NAALADL2: variants seen among roughly 807,000 people sequenced by gnomAD.
NAALADL2 encodes the protein N-acetylated alpha-linked acidic dipeptidase like 2.
Under a neutral mutation model 87.2 loss-of-function variants are expected in NAALADL2, and 76 were observed. The observed-to-expected ratio is 0.87, with a 90% CI of 0.72 to 1.05. The LOEUF is 1.05. Ranked by LOEUF, NAALADL2 falls within the 50% of genes least tolerant of loss-of-function variation. The probability of loss-of-function intolerance (pLI) is 0.00; values close to 1 mark genes in which losing one functional copy is unlikely to be tolerated. For missense variants in NAALADL2, 1,089 were observed against 945.8 expected (o/e 1.15, Z -1.99); for synonymous variants, 354 against 331.0 (o/e 1.07, Z -0.75).
intron 1 of NAALADL2, among the ~76,000 whole-genome samples, chr3:174,941,687 G>A (rs1470391154): frequency 6.6e-6 from 1 of 151,890 alleles, no homozygotes; most frequent in Non-Finnish European, 1.5e-5. Context: ...CTCCTGTGTT[G>A]GGTGCATATA....
chr3:175,052,227 G>T (rs952443914), intron 1 of NAALADL2, among the ~76,000 whole-genome samples: 2 of 152,200 alleles, frequency 1.3e-5, no homozygotes, highest in Non-Finnish European at 2.9e-5. Flanking sequence ...TCTTTCAGTG[G>T]TTTTCCGCCC....
intron 2 of NAALADL2, among the ~76,000 whole-genome samples, chr3:175,106,489 C>T (rs146313539): frequency 6.6e-6 from 1 of 152,000 alleles, no homozygotes; most frequent in African/African-American, 2.4e-5. Context: ...ACTTCTTGAT[C>T]TTATTCGTTC....
chr3:174,994,540 T>C (rs1223745005), intron 1 of NAALADL2, among the ~76,000 whole-genome samples: 1 of 152,204 alleles, frequency 6.6e-6, no homozygotes, highest in Non-Finnish European at 1.5e-5. Context: ...ACCACTTAAA[T>C]TTCCAAATTT....
intron 2 of NAALADL2, among the ~76,000 whole-genome samples, chr3:174,714,560 G>A (rs901187453): frequency 6.6e-6 from 1 of 152,078 alleles, no homozygotes; most frequent in Admixed American, 6.6e-5. Context: ...TCTCTTTGAA[G>A]CAGTTGTGAA....
At chr3:174,907,996 A>G (rs1043523318) in intron 1 of NAALADL2, among the ~76,000 whole-genome samples, 1 of 134,974 alleles carries the variant, frequency 7.4e-6, no homozygotes, top group Non-Finnish European at 1.6e-5. Context: ...TATATCAATT[A>G]TCTCTTTTCG....
chr3:175,425,814 T>TA (rs1276655444), intron 5 of NAALADL2, among the ~76,000 whole-genome samples: 1 of 152,176 alleles, frequency 6.6e-6, no homozygotes, highest in Non-Finnish European at 1.5e-5. Flanking sequence ...TATGTGGAGA[T>TA]ACTCAAAGTA....
chr3:175,120,037 T>C (rs570666069), intron 2 of NAALADL2, among the ~76,000 whole-genome samples: 4 of 142,352 alleles, frequency 2.8e-5, no homozygotes, highest in Non-Finnish European at 4.6e-5. Context: ...GCAAAACCCA[T>C]GGAAATGGAA....
At chr3:175,008,626 A>G (rs954705185) in intron 1 of NAALADL2, among the ~76,000 whole-genome samples, 1 of 152,126 alleles carries the variant, frequency 6.6e-6, no homozygotes, top group African/African-American at 2.4e-5. Flanking sequence ...CCACTGGCCC[A>G]GGCAAAACCA....
At chr3:175,258,903 T>C (rs2862003) in intron 4 of NAALADL2, among the ~76,000 whole-genome samples, 15,454 of 152,132 alleles carry the variant, frequency 0.1, 2,012 homozygotes, top group African/African-American at 0.31. Context: ...AAAATAAATA[T>C]GCATGCGTTT....
At chr3:175,722,045 AT>A (rs1742311246) in intron 11 of NAALADL2, among the ~76,000 whole-genome samples, 1 of 152,012 alleles carries the variant, frequency 6.6e-6, no homozygotes, top group African/African-American at 2.4e-5. Context: ...ATCAATTTGG[AT>A]TCTATTTCTC....
At chr3:174,843,976 G>T (rs1395735979) in intron 3 of NAALADL2, among the ~76,000 whole-genome samples, 1 of 152,120 alleles carries the variant, frequency 6.6e-6, no homozygotes, top group African/African-American at 2.4e-5. Flanking sequence ...TCTGCAGGTT[G>T]TCCCTTCACT....
intron 1 of NAALADL2, among the ~76,000 whole-genome samples, chr3:175,053,587 G>C (rs112482807): frequency 0.017 from 2,639 of 152,280 alleles, 70 homozygotes; most frequent in African/African-American, 0.06. Flanking sequence ...TTCAGCCCTG[G>C]AGAAACACAA....
intron 9 of NAALADL2, among the ~76,000 whole-genome samples, chr3:175,483,422 T>C (rs1418384426): frequency 6.6e-6 from 1 of 151,838 alleles, no homozygotes; most frequent in Non-Finnish European, 1.5e-5. Flanking sequence ...CTTATTTTTC[T>C]ATTTATTTTT....
intron 2 of NAALADL2, among the ~76,000 whole-genome samples, chr3:175,214,975 A>T (rs1254140015): frequency 6.6e-6 from 1 of 152,128 alleles, no homozygotes; most frequent in African/African-American, 2.4e-5. Context: ...AATTCACTAC[A>T]TGTTTATGGT....
intron 6 of NAALADL2, among the ~76,000 whole-genome samples, chr3:175,456,249 G>T (rs1722299437): frequency 6.6e-6 from 1 of 152,020 alleles, no homozygotes; most frequent in Admixed American, 6.6e-5. Flanking sequence ...CTCTGCACAT[G>T]ATGAAATTAA....
intron 5 of NAALADL2, among the ~76,000 whole-genome samples, chr3:175,368,437 G>T (rs1297281542): frequency 6.6e-6 from 1 of 152,110 alleles, no homozygotes; most frequent in Non-Finnish European, 1.5e-5. Flanking sequence ...AATGGTACCA[G>T]TTCCTCCTTG....
chr3:175,093,251 T>G (rs942720551), intron 1 of NAALADL2, among the ~76,000 whole-genome samples: 5 of 151,530 alleles, frequency 3.3e-5, no homozygotes, highest in African/African-American at 1.2e-4. Context: ...AAGCTTCTGA[T>G]AAAAAGAAAC....
intron 11 of NAALADL2, among the ~76,000 whole-genome samples, chr3:175,690,594 TTAGA>T (rs1736919210): frequency 6.6e-6 from 1 of 151,956 alleles, no homozygotes; most frequent in Non-Finnish European, 1.5e-5. Context: ...TCATGAACAA[TTAGA>T]TAGAGAGTTA....
intron 9 of NAALADL2, among the ~76,000 whole-genome samples, chr3:175,506,686 C>T (rs1415177535): frequency 6.6e-6 from 1 of 152,140 alleles, no homozygotes; most frequent in East Asian, 1.9e-4. Context: ...GTACTTATTT[C>T]GTTCAACAAT....
Sources: gnomAD v4.1 joint callset for allele counts (sites outside exome capture counted in the v4.1 genomes callset) on GRCh38, gnomAD v4.1.1 for gene constraint, MANE v1.5 for transcripts, NCBI Gene and HGNC (gene_info 2026-07-23, HGNC 2026-07-21) for gene names.